Variants in ADARB1 observed in about 807,000 individuals in gnomAD.
The protein encoded by ADARB1 is double-stranded RNA-specific editase 1.
Under a neutral mutation model 52.4 loss-of-function variants are expected in ADARB1, and 10 were observed. The ratio of observed to expected loss-of-function variants is 0.19; its 90% CI spans 0.12 to 0.32. The LOEUF is 0.32. Ranked by LOEUF, ADARB1 falls within the 10% of genes least tolerant of loss-of-function variation. The pLI, the probability that ADARB1 is intolerant of heterozygous loss-of-function variation, is 1.00. For missense variants in ADARB1, 643 were observed against 922.3 expected (o/e 0.70, Z 3.92); for synonymous variants, 349 against 371.1 (o/e 0.94, Z 0.68).
In ADARB1 at chr21:45,096,410, C is replaced by T. The variant is rs541881926; in HGVS notation, c.-220+21617C>T. ...GTCTCGCTCCCTGCACCAGCTGTGCCGGCCCTGCCTGTCTTCCTGCAGGTC... is the reference window on the plus strand; with the variant it reads ...GTCTCGCTCCCTGCACCAGCTGTGCTGGCCCTGCCTGTCTTCCTGCAGGTC... On this transcript the variant is annotated intron_variant, in intron 1 of 10. Coordinates refer to ENST00000348831, the MANE Select transcript of ADARB1 (RefSeq NM_001112.4). 2.2e-3 allele frequency among the ~76,000 whole-genome samples: 330 copies of T among 152,364 alleles called. 2 individuals are homozygous for T. Among genetic ancestry groups the T allele is most frequent in the Non-Finnish European group, 1.8e-3 (124 of 68,020 alleles).
Position 45,210,872 on chromosome 21 carries a change from G to A in ADARB1, c.1747+6136G>A, listed in dbSNP as rs551208164. 6.6e-5 allele frequency among the ~76,000 whole-genome samples: 10 copies of A among 152,318 alleles called. No homozygotes were observed. In the South Asian group the frequency reaches 8.3e-4, roughly 13 times the overall value. On this transcript the variant is annotated intron_variant, in intron 9 of 10. Coordinates refer to ENST00000348831, the MANE Select transcript of ADARB1 (RefSeq NM_001112.4). ...GTGAGCCTCTCAGCCCCACTCCCCC[G>A]GCTGCTCCCCTTCATCTACATCCAG... is the stretch of plus-strand genomic sequence containing the variant.
intron 2 of ADARB1, among the ~76,000 whole-genome samples, chr21:45,166,051 A>G (rs946273441): frequency 5.3e-5 from 8 of 152,204 alleles, no homozygotes; most frequent in Non-Finnish European, 8.8e-5. Context: ...TTACCAGCAC[A>G]ATAGAAACTA....
Position 45,208,083 on chromosome 21 carries a change from C to G in ADARB1, c.1747+3347C>G, listed in dbSNP as rs2092699065. Among the ~76,000 whole-genome samples the G allele has an allele frequency of 6.6e-6, 1 of 152,222 alleles. No homozygotes were observed. The highest frequency in any genetic ancestry group is 2.4e-5 in the African/African-American group (1 of 41,450). ...AGTCTCTCGAGCTTTCTCAGACTTTCTCTCAAATGAGTTTCACATCCAGCA... is the reference window on the plus strand; with the variant it reads ...AGTCTCTCGAGCTTTCTCAGACTTTGTCTCAAATGAGTTTCACATCCAGCA... On this transcript the variant is annotated intron_variant, in intron 9 of 10. Transcript: ENST00000348831. This position sits in a 1 kb window ranked among gnomAD's most constrained non-coding sequence, Gnocchi z 5.6.
chr21:45,149,933 C>G (rs2090199163), intron 2 of ADARB1, among the ~76,000 whole-genome samples: 1 of 152,202 alleles, frequency 6.6e-6, no homozygotes, highest in Non-Finnish European at 1.5e-5. Flanking sequence ...AGTACTTACT[C>G]TTTGCCCCTT....
intron 1 of ADARB1, among the ~76,000 whole-genome samples, chr21:45,102,500 C>T (rs1011568116): frequency 2.0e-5 from 3 of 152,240 alleles, no homozygotes; most frequent in Middle Eastern, 3.4e-3. Flanking sequence ...ATAGCTGATT[C>T]TAGGACTGGG....
chr21:45,160,191 A>G (rs902066090), intron 2 of ADARB1, among the ~76,000 whole-genome samples: 4 of 152,220 alleles, frequency 2.6e-5, no homozygotes, highest in African/African-American at 4.8e-5. Context: ...GAAGGAAAAC[A>G]CATGGTCTTT....
chr21:45,186,390 T>C (rs1010957609), intron 8 of ADARB1, among the ~76,000 whole-genome samples: 1 of 152,220 alleles, frequency 6.6e-6, no homozygotes, highest in Non-Finnish European at 1.5e-5. Flanking sequence ...CTTCAACTTA[T>C]GCAAACTCCA....
At chr21:45,158,975 G>C (rs2146017069) in intron 2 of ADARB1, among the ~76,000 whole-genome samples, 1 of 152,222 alleles carries the variant, frequency 6.6e-6, no homozygotes, top group Non-Finnish European at 1.5e-5. Context: ...GTATGTGGGA[G>C]GGAGGCTTAG....
chr21:45,153,492 C>T (rs1003166029), intron 2 of ADARB1, among the ~76,000 whole-genome samples: 2 of 152,184 alleles, frequency 1.3e-5, no homozygotes, highest in Non-Finnish European at 2.9e-5. Flanking sequence ...CCCCACCCGA[C>T]AGGACTGGAG....
At position 45,172,996 on chromosome 21, in the gene ADARB1, TTGGCCCG is replaced by T. The variant is rs936237668; in HGVS notation, c.28+1315_28+1321del. On this transcript the variant is annotated intron_variant, in intron 3 of 10. Transcript: ENST00000348831. The surrounding 1 kb of genome is among the most constrained non-coding windows in gnomAD (Gnocchi z 4.4). ...TCATTTGAGAAAATGTGACCTGTGCTTGGCCCGTGCAGTAGCCCACCAACGGAGCATG... is the reference window on the plus strand; with the variant it reads ...TCATTTGAGAAAATGTGACCTGTGCTTGCAGTAGCCCACCAACGGAGCATG... Among the ~76,000 whole-genome samples, 1 of 152,262 alleles carries T rather than the reference TTGGCCCG, an allele frequency of 6.6e-6. No individual in the cohort carries two copies. Among genetic ancestry groups the T allele is most frequent in the Non-Finnish European group, 1.5e-5 (1 of 68,046 alleles).
intron 2 of ADARB1, among the ~76,000 whole-genome samples, chr21:45,164,714 G>A (rs185133547): frequency 5.3e-5 from 8 of 152,256 alleles, no homozygotes; most frequent in Middle Eastern, 3.4e-3. Context: ...ATGTGTTAGA[G>A]CACGTTTTTT....
intron 9 of ADARB1, among the ~76,000 whole-genome samples, chr21:45,209,638 C>T (rs2092730126): frequency 6.6e-6 from 1 of 152,182 alleles, no homozygotes; most frequent in African/African-American, 2.4e-5. Flanking sequence ...AGTTTCTTTC[C>T]TTTCTAGAAG....
chr21:45,096,128 C>T (rs1380304090), intron 1 of ADARB1, among the ~76,000 whole-genome samples: 1 of 152,248 alleles, frequency 6.6e-6, no homozygotes, highest in South Asian at 2.1e-4. Flanking sequence ...TAGTAACGAG[C>T]ATGGCTGGGG....
At chr21:45,097,752 T>G (rs2086828208) in intron 1 of ADARB1, among the ~76,000 whole-genome samples, 1 of 152,028 alleles carries the variant, frequency 6.6e-6, no homozygotes, top group Non-Finnish European at 1.5e-5. Context: ...TTGGGGGCAC[T>G]CAAGGGGAGC....
Position 45,176,568 on chromosome 21 carries a change from G to A in ADARB1, c.867G>A (p.Ala289=), listed in dbSNP as rs557891335. Residue 289 remains alanine (A), a synonymous_variant, in exon 4 of 11, where the codon GCG becomes GCA. Coordinates refer to ENST00000348831, the MANE Select transcript of ADARB1 (RefSeq NM_001112.4). This position sits in a 1 kb window ranked among gnomAD's most constrained non-coding sequence, Gnocchi z 5.8. ...RNKKLAKARA[A]QSALAAIFNL... ...AGAAGCTTGCCAAGGCCCGGGCTGC[G>A]CAGTCTGCCCTGGCCGCCATTTTTA... 54 of 1,614,188 alleles carry A rather than the reference G, an allele frequency of 3.3e-5. No homozygotes were observed. Among genetic ancestry groups the A allele is most frequent in the Admixed American group, 2.5e-4 (15 of 60,028 alleles).
rs1296270464 is a variant in ADARB1, at chr21:45,225,550, C to T, written c.*3353C>T. On this transcript the variant is annotated 3_prime_UTR_variant, in exon 11 of 11. Transcript: ENST00000348831. ...CTCTCCTTGTAATCTCACACAGGTA[C>T]ACTGAGGAGGGGACGGCTCCGTCTT... 22 of 1,340,614 alleles carry T rather than the reference C, an allele frequency of 1.6e-5. No individual in the cohort carries two copies. Among genetic ancestry groups the T allele is most frequent in the Non-Finnish European group, 1.9e-5 (20 of 1,033,686 alleles). The allele number at this position is 1,340,614 out of a possible 1,614,324, so 83.0% of individuals were successfully genotyped here.
At chr21:45,144,648 G>GA (rs548178042) in intron 2 of ADARB1, 538 of 453,902 alleles carry the variant, frequency 1.2e-3, no homozygotes, top group African/African-American at 9.6e-3. Context: ...AAAGAAATGG[G>GA]AAGAAAAAGG....
intron 2 of ADARB1, among the ~76,000 whole-genome samples, chr21:45,149,249 AC>A (rs756938587): frequency 8.5e-5 from 13 of 152,200 alleles, no homozygotes; most frequent in Non-Finnish European, 1.9e-4. Context: ...TCATCCTGAC[AC>A]CAGCTCTGTC....
At position 45,183,520 on chromosome 21, in the gene ADARB1, G is replaced by T; in HGVS notation, c.1396+10G>T. On this transcript the variant is annotated intron_variant, in intron 7 of 10. Coordinates refer to ENST00000348831, the MANE Select transcript of ADARB1 (RefSeq NM_001112.4). ...GAGCCAATCCTGGAAGGTATGAGACGAGATTCTTCAACAAGCCAGTTTCTC... is the reference window on the plus strand; with the variant it reads ...GAGCCAATCCTGGAAGGTATGAGACTAGATTCTTCAACAAGCCAGTTTCTC... 6.2e-7 allele frequency: 1 copy of T among 1,610,722 alleles called. No homozygotes were observed. Among genetic ancestry groups the T allele is most frequent in the South Asian group, 1.1e-5 (1 of 89,906 alleles).
Sources: allele counts gnomAD v4.1 joint callset (sites outside exome capture counted in the v4.1 genomes callset), GRCh38; gene constraint gnomAD v4.1.1; non-coding constraint Gnocchi (gnomAD v3.1); transcripts MANE v1.5; gene names NCBI Gene and HGNC (gene_info 2026-07-23, HGNC 2026-07-21).